VPS13B: variants seen among roughly 807,000 people sequenced by gnomAD.
The protein encoded by VPS13B is intermembrane lipid transfer protein VPS13B.
In VPS13B, 285 loss-of-function variants were observed where a neutral mutation model predicts 426.4. The ratio of observed to expected loss-of-function variants is 0.67; its 90% CI spans 0.61 to 0.74. VPS13B has a LOEUF of 0.74. VPS13B is among the 30% of genes least tolerant of loss of function. The pLI, the probability that VPS13B is intolerant of heterozygous loss-of-function variation, is 0.00. For synonymous variants in VPS13B, 1,676 were observed against 1,676.4 expected, an observed-to-expected ratio of 1.00 and a Z score of 0.01; for missense variants, 4,537 against 4,782.6, an observed-to-expected ratio of 0.95 and a Z score of 1.51.
At chr8:99,721,580 A>G (rs1453236813) in intron 39 of VPS13B, among the ~76,000 whole-genome samples, 1 of 152,182 alleles carries the variant, frequency 6.6e-6, no homozygotes, top group African/African-American at 2.4e-5. Flanking sequence ...AGTTTAATAT[A>G]AATGTCATTG....
At chr8:99,265,616 C>A (rs2132964178) in intron 17 of VPS13B, among the ~76,000 whole-genome samples, 1 of 152,162 alleles carries the variant, frequency 6.6e-6, no homozygotes, top group South Asian at 2.1e-4. Flanking sequence ...AGTTACTGGG[C>A]TGCGTGGATT....
intron 30 of VPS13B, among the ~76,000 whole-genome samples, chr8:99,540,524 T>G (rs1354611974): frequency 1.3e-5 from 2 of 152,198 alleles, no homozygotes; most frequent in African/African-American, 4.8e-5. Flanking sequence ...TTCATAAAGT[T>G]TATATTGAAT....
chr8:99,782,228 T>C (rs934174260), intron 42 of VPS13B, among the ~76,000 whole-genome samples: 3 of 152,198 alleles, frequency 2.0e-5, no homozygotes, highest in Non-Finnish European at 4.4e-5. Context: ...GAATATATAA[T>C]TATAATTTTA....
intron 33 of VPS13B, among the ~76,000 whole-genome samples, chr8:99,633,830 T>TGTGTGTGTGTGTGC (rs1182944466): frequency 5.3e-5 from 8 of 151,570 alleles, no homozygotes; most frequent in African/African-American, 1.9e-4. Flanking sequence ...TGTGTGTGTG[T>TGTGTGTGTGTGTGC]GTGTGTGTGC....
intron 25 of VPS13B, among the ~76,000 whole-genome samples, chr8:99,500,074 A>G (rs1001573315): frequency 3.3e-5 from 5 of 152,142 alleles, no homozygotes; most frequent in African/African-American, 9.7e-5. Context: ...TTTGTACAGG[A>G]TTTTAATTAT....
chr8:99,700,061 A>C, intron 36 of VPS13B, 129 bp downstream of exon 36: 16 of 1,068,376 alleles, frequency 1.5e-5, no homozygotes, highest in Non-Finnish European at 1.7e-5. Context: ...AGAGATGAGG[A>C]CATTTCTGGT....
chr8:99,377,452 A>C (rs148555159), intron 19 of VPS13B, among the ~76,000 whole-genome samples: 169 of 152,262 alleles, frequency 1.1e-3, no homozygotes, highest in African/African-American at 3.8e-3. Flanking sequence ...AACTGCATCT[A>C]ATGTGCTTTT....
At chr8:99,836,445 A>G (rs1685732093) in intron 54 of VPS13B, among the ~76,000 whole-genome samples, 1 of 106,654 alleles carries the variant, frequency 9.4e-6, no homozygotes, top group African/African-American at 3.7e-5. Context: ...ATCCCCTGGT[A>G]GCTCTCTTCT....
chr8:99,552,367 T>C (rs949294486), intron 30 of VPS13B, among the ~76,000 whole-genome samples: 2 of 152,108 alleles, frequency 1.3e-5, no homozygotes, highest in African/African-American at 4.8e-5. Flanking sequence ...TTCTTTGAGT[T>C]GAAATTGATT....
At position 99,806,280 on chromosome 8, in the gene VPS13B, G is replaced by C. The variant is rs77560823; in HGVS notation, c.7942-3095G>C. Among the ~76,000 whole-genome samples the C allele has an allele frequency of 1.5e-3, 224 of 152,262 alleles. 8 individuals are homozygous for C. The East Asian group carries it at 0.038, about 26-fold the overall frequency. On this transcript the variant is annotated intron_variant, in intron 43 of 61. Coordinates refer to ENST00000357162, the MANE Select transcript of VPS13B (RefSeq NM_152564.5). ...TCCCTTTTCTCTCGCCAGTTGAGAT[G>C]GTTAACCTTGTCCCGAGCATGTGTA...
chr8:99,656,918 T>G (rs142704559), intron 34 of VPS13B, among the ~76,000 whole-genome samples: 1 of 152,356 alleles, frequency 6.6e-6, no homozygotes, highest in African/African-American at 2.4e-5. Flanking sequence ...TCATTAACCA[T>G]GCAACCTGTA....
At chr8:99,794,606 C>G (rs1454635922) in intron 43 of VPS13B, among the ~76,000 whole-genome samples, 2 of 152,172 alleles carry the variant, frequency 1.3e-5, no homozygotes, top group Non-Finnish European at 2.9e-5. Context: ...CTTTTGTTTG[C>G]ACCTTGTAGT....
At chr8:99,436,156 A>G (rs1817361130) in intron 22 of VPS13B, among the ~76,000 whole-genome samples, 1 of 152,202 alleles carries the variant, frequency 6.6e-6, no homozygotes, top group African/African-American at 2.4e-5. Context: ...TTGAGGAGCT[A>G]CTGGTCAGCA....
chr8:99,604,445 G>A (rs747533695), intron 33 of VPS13B, among the ~76,000 whole-genome samples: 10 of 148,542 alleles, frequency 6.7e-5, no homozygotes, highest in Non-Finnish European at 1.2e-4. Flanking sequence ...GTTTGGTTAT[G>A]TCTCCATAGG....
intron 19 of VPS13B, among the ~76,000 whole-genome samples, chr8:99,349,501 A>G (rs1020892905): frequency 6.6e-6 from 1 of 152,116 alleles, no homozygotes; most frequent in African/African-American, 2.4e-5. Flanking sequence ...TATGTATTTT[A>G]TGATTAGAGT....
chr8:99,662,828 C>T (rs2129779758), intron 35 of VPS13B, among the ~76,000 whole-genome samples: 1 of 152,296 alleles, frequency 6.6e-6, no homozygotes, highest in East Asian at 1.9e-4. Flanking sequence ...AGGCAGATCA[C>T]TTGAGACCAA....
intron 36 of VPS13B, among the ~76,000 whole-genome samples, chr8:99,702,724 C>T (rs963412354): frequency 1.3e-5 from 2 of 152,048 alleles, no homozygotes; most frequent in Non-Finnish European, 2.9e-5. Context: ...TACAAAGGAA[C>T]AATTATAGCA....
At chr8:99,294,609 C>A (rs1476073052) in intron 19 of VPS13B, among the ~76,000 whole-genome samples, 1 of 152,036 alleles carries the variant, frequency 6.6e-6, no homozygotes, top group Non-Finnish European at 1.5e-5. Flanking sequence ...ATAGCTAAGA[C>A]AAGATCCCTG....
chr8:99,441,646 G>A (rs899961781), intron 22 of VPS13B, among the ~76,000 whole-genome samples: 2 of 152,016 alleles, frequency 1.3e-5, no homozygotes, highest in Non-Finnish European at 2.9e-5. Context: ...ATTCAGTTTT[G>A]GGGTTGGGCT....
Sources: allele counts gnomAD v4.1 joint callset (sites outside exome capture counted in the v4.1 genomes callset), GRCh38; gene constraint gnomAD v4.1.1; transcripts MANE v1.5; gene names NCBI Gene and HGNC (gene_info 2026-07-23, HGNC 2026-07-21).